WASHC4: variants seen among roughly 807,000 people sequenced by gnomAD.
The protein encoded by WASHC4 is WASH complex subunit 7.
A neutral mutation model predicts 166.6 loss-of-function variants in WASHC4; 86 were observed. That is an observed-to-expected ratio of 0.52 (90% CI 0.43 to 0.62). WASHC4 has a LOEUF of 0.62. Ranked by LOEUF, WASHC4 falls within the 20% of genes least tolerant of loss-of-function variation. The probability of loss-of-function intolerance (pLI) is 0.00; values close to 1 mark genes in which losing one functional copy is unlikely to be tolerated. For synonymous variants in WASHC4, 446 were observed against 451.6 expected (o/e 0.99, Z 0.16); for missense variants, 1,262 against 1,382.4 (o/e 0.91, Z 1.38).
chr12:105,148,684 T>C (rs1359215510), intron 24 of WASHC4: 12 of 985,232 alleles, frequency 1.2e-5, no homozygotes, highest in African/African-American at 1.7e-5. Context: ...CGAAAATCAT[T>C]TGTTTCCATA....
chr12:105,158,378 C>T (rs1268958428), intron 28 of WASHC4, among the ~76,000 whole-genome samples: 2 of 152,182 alleles, frequency 1.3e-5, no homozygotes. Context: ...AACTTAGCAT[C>T]ACCAGTAATG....
chr12:105,140,258 G>A (rs1394497176), intron 15 of WASHC4, 36 bp from the exon 16 acceptor site: 3 of 1,501,894 alleles, frequency 2.0e-6, no homozygotes. Flanking sequence ...AAATTTTTAA[G>A]TTGATTGTCA....
chr12:105,139,243 C>T (rs190783297), intron 15 of WASHC4, among the ~76,000 whole-genome samples: 90 of 150,710 alleles, frequency 6.0e-4, no homozygotes, highest in Non-Finnish European at 1.1e-3. Context: ...GGGTTGTTTC[C>T]GGTTTTTGTA....
intron 27 of WASHC4, 62 bp from the exon 28 acceptor site, chr12:105,157,174 A>G: frequency 1.2e-6 from 1 of 845,366 alleles, no homozygotes; most frequent in Non-Finnish European, 2.0e-6. Flanking sequence ...CCACTTTTAT[A>G]TCTGTGTCAA....
At chr12:105,143,444 TAGG>T (rs1339455163) in intron 20 of WASHC4, among the ~76,000 whole-genome samples, 4 of 152,034 alleles carry the variant, frequency 2.6e-5, no homozygotes, top group East Asian at 1.9e-4. Context: ...CACTAGGAAT[TAGG>T]AGATTTTAAA....
intron 24 of WASHC4, chr12:105,148,692 A>G (rs1320914253): frequency 1.0e-6 from 1 of 985,194 alleles, no homozygotes; most frequent in African/African-American, 1.7e-5. Context: ...ATTTGTTTCC[A>G]TAATTGGGTA....
At chr12:105,148,476 C>T (rs980898541) in intron 24 of WASHC4, 2 of 984,644 alleles carry the variant, frequency 2.0e-6, no homozygotes, top group African/African-American at 3.5e-5. Context: ...CAGTTAATTA[C>T]ACTAATGAAT....
intron 18 of WASHC4, among the ~76,000 whole-genome samples, chr12:105,141,833 T>C (rs1289149337): frequency 6.6e-6 from 1 of 152,162 alleles, no homozygotes; most frequent in Non-Finnish European, 1.5e-5. Context: ...TTTGTTGTTC[T>C]GGAGAAGCTG....
At chr12:105,154,679 A>T (rs112891044) in intron 26 of WASHC4, among the ~76,000 whole-genome samples, 1 of 152,250 alleles carries the variant, frequency 6.6e-6, no homozygotes, top group Non-Finnish European at 1.5e-5. Context: ...AATTTACCAG[A>T]TGAGAAGACT....
At chr12:105,157,204 C>T in intron 27 of WASHC4, 32 bp from the exon 28 acceptor site, 1 of 1,092,146 alleles carries the variant, frequency 9.2e-7, no homozygotes, top group Non-Finnish European at 1.4e-6. Context: ...TTTTACTTGA[C>T]CTAATAAATG....
Position 105,147,778 on chromosome 12 carries a change from G to A in WASHC4, c.2514+632G>A, listed in dbSNP as rs1347851847. 20 of 364,626 alleles carry A rather than the reference G, an allele frequency of 5.5e-5. 1 individual carries two copies. Among genetic ancestry groups the A allele is most frequent in the South Asian group, 3.4e-4 (3 of 8,948 alleles). 22.6% of individuals were successfully genotyped at this position (364,626 alleles called of 1,614,324 possible). A position where few individuals can be genotyped will look rare whatever the true frequency, so the allele number is the denominator to read the frequency against. ...AAATTAGCCAGGCGTGGTGGCGGGCGCCTGTAATCCCAGCTGCTTGGGAGG... is the reference window on the plus strand; with the variant it reads ...AAATTAGCCAGGCGTGGTGGCGGGCACCTGTAATCCCAGCTGCTTGGGAGG... On this transcript the variant is annotated intron_variant, in intron 24 of 32. Transcript: ENST00000332180.
At chr12:105,122,758 C>G (rs1201163549) in intron 10 of WASHC4, among the ~76,000 whole-genome samples, 1 of 151,998 alleles carries the variant, frequency 6.6e-6, no homozygotes, top group Admixed American at 6.6e-5. Context: ...TGTAATTGTT[C>G]TGGGGTGCTA....
intron 24 of WASHC4, chr12:105,148,334 A>G (rs1394281279): frequency 1.0e-6 from 1 of 985,268 alleles, no homozygotes; most frequent in African/African-American, 1.7e-5. Context: ...CTCTTCCTTG[A>G]CTTCTATCAT....
Position 105,120,551 on chromosome 12 carries a change from A to G in WASHC4, c.519-4A>G, listed in dbSNP as rs759492719. On this transcript the variant is annotated splice_region_variant and splice_polypyrimidine_tract_variant and intron_variant, in intron 7 of 32. Transcript: ENST00000332180. ...TTTTTAACTTGGTTGTTATTTTATT[A>G]TAGGATTGCACCCAAAATTATAGAG... 4.4e-6 allele frequency: 7 copies of G among 1,583,528 alleles called. No homozygotes were observed. The East Asian group carries it at 9.0e-5, about 20-fold the overall frequency.
At chr12:105,120,160 C>A (rs1880590981) in intron 7 of WASHC4, among the ~76,000 whole-genome samples, 1 of 152,192 alleles carries the variant, frequency 6.6e-6, no homozygotes, top group African/African-American at 2.4e-5. Context: ...TTGAGAAATT[C>A]TAATAGTTTA....
At chr12:105,114,514 A>G (rs1447519712) in intron 4 of WASHC4, 87 bp downstream of exon 4, 10 of 861,960 alleles carry the variant, frequency 1.2e-5, no homozygotes, top group Admixed American at 4.5e-5. Context: ...TGCAATAAAT[A>G]TTTATTGAAT....
intron 5 of WASHC4, 119 bp from the exon 6 acceptor site, chr12:105,115,542 C>T: frequency 2.7e-6 from 2 of 730,830 alleles, no homozygotes; most frequent in East Asian, 2.5e-5. Flanking sequence ...ATTCTGTTTT[C>T]AATACTATGC....
chr12:105,114,008 A>G (rs192392535), intron 2 of WASHC4, among the ~76,000 whole-genome samples: 1 of 152,120 alleles, frequency 6.6e-6, no homozygotes, highest in Non-Finnish European at 1.5e-5. Context: ...TAGGACAAGT[A>G]GAGTCGTGAT....
chr12:105,134,101 T>C (rs943892176), intron 14 of WASHC4, among the ~76,000 whole-genome samples: 3 of 152,120 alleles, frequency 2.0e-5, no homozygotes, highest in African/African-American at 4.8e-5. Flanking sequence ...CTTGACTATT[T>C]AGCTGTATCG....
Sources: gnomAD v4.1 joint callset for allele counts (sites outside exome capture counted in the v4.1 genomes callset) on GRCh38, gnomAD v4.1.1 for gene constraint, MANE v1.5 for transcripts, NCBI Gene and HGNC (gene_info 2026-07-23, HGNC 2026-07-21) for gene names.